AGAP1: variants seen among roughly 807,000 people sequenced by gnomAD.
AGAP1 encodes the protein arf-GAP with GTPase, ANK repeat and PH domain-containing protein 1.
In AGAP1, 29 loss-of-function variants were observed where a neutral mutation model predicts 105.3. The ratio of observed to expected loss-of-function variants is 0.28; its 90% confidence interval spans 0.21 to 0.38. The LOEUF is 0.38. Ranked by LOEUF, AGAP1 falls within the 10% of genes least tolerant of loss-of-function variation. The pLI, the probability that AGAP1 is intolerant of heterozygous loss-of-function variation, is 1.00. For synonymous variants in AGAP1, 509 were observed against 485.9 expected, an observed-to-expected ratio of 1.05 and a Z score of -0.63; for missense variants, 998 against 1,165.1, an observed-to-expected ratio of 0.86 and a Z score of 2.09.
rs1941243011 is a variant in AGAP1, at chr2:235,494,904, C to CG, written c.163+60dup. 7.0e-5 allele frequency: 105 copies of CG among 1,496,136 alleles called. 1 individual carries two copies. In the South Asian group the frequency reaches 1.2e-3, roughly 17 times the overall value. The allele number at this position is 1,496,136 out of a possible 1,614,324, so 92.7% of individuals were successfully genotyped here. A position where few individuals can be genotyped will look rare whatever the true frequency, so the allele number is the denominator to read the frequency against. ...GAAGGCACGGACGCCCGCGGCGCGG[C>CG]GGGGGTGTGCGCTGTGTGCGTGCGG... On this transcript the variant is annotated intron_variant, in intron 1 of 17. Transcript: ENST00000304032.
intron 12 of AGAP1, among the ~76,000 whole-genome samples, chr2:235,946,760 C>G (rs1177884169): frequency 6.6e-6 from 1 of 152,136 alleles, no homozygotes; most frequent in Non-Finnish European, 1.5e-5. Flanking sequence ...CGTCATTGTT[C>G]TAAGAACCAG....
At chr2:235,956,797 G>A (rs959641499) in intron 12 of AGAP1, among the ~76,000 whole-genome samples, 15 of 152,340 alleles carry the variant, frequency 9.8e-5, no homozygotes, top group African/African-American at 3.1e-4. Context: ...AGACAGCCAC[G>A]TCCATTTGTT....
chr2:235,898,731 A>T (rs559731129), intron 10 of AGAP1, among the ~76,000 whole-genome samples: 2 of 152,306 alleles, frequency 1.3e-5, no homozygotes, highest in East Asian at 3.9e-4. Flanking sequence ...CAACAGTATC[A>T]TGAAGCTAGA....
chr2:235,563,100 C>G (rs975154393), intron 1 of AGAP1, among the ~76,000 whole-genome samples: 1 of 152,106 alleles, frequency 6.6e-6, no homozygotes, highest in African/African-American at 2.4e-5. Flanking sequence ...TGCCCTGGGG[C>G]TGCTGTGGGG....
chr2:235,561,677 T>C (rs1410366414), intron 1 of AGAP1, among the ~76,000 whole-genome samples: 1 of 152,208 alleles, frequency 6.6e-6, no homozygotes, highest in Non-Finnish European at 1.5e-5. Context: ...TAATTCAGTA[T>C]TTGGAAAAAG....
chr2:236,039,159 T>A (rs1191503665), intron 14 of AGAP1, among the ~76,000 whole-genome samples: 1 of 152,182 alleles, frequency 6.6e-6, no homozygotes, highest in Non-Finnish European at 1.5e-5. Flanking sequence ...AAACACTACA[T>A]ATCAGCCAGA....
Position 236,009,146 on chromosome 2 carries a change from G to C in AGAP1, c.1646-27415G>C, listed in dbSNP as rs1441887436. 6.6e-6 allele frequency among the ~76,000 whole-genome samples: 1 copy of C among 152,228 alleles called. No individual in the cohort carries two copies. Among genetic ancestry groups the C allele is most frequent in the South Asian group, 2.1e-4 (1 of 4,818 alleles). On this transcript the variant is annotated intron_variant, in intron 13 of 17. Transcript: ENST00000304032. The surrounding 1 kb of genome is among the most constrained non-coding windows in gnomAD (Gnocchi z 4.2). The stretch of plus-strand genomic sequence containing the variant: ...GCTAAAGTAGTGAGTTCACATAGTC[G>C]AAGAATCTTCTGGGTTGCATCTTAT...
At chr2:235,738,940 G>GT (rs1173086694) in intron 3 of AGAP1, among the ~76,000 whole-genome samples, 1 of 152,080 alleles carries the variant, frequency 6.6e-6, no homozygotes, top group Non-Finnish European at 1.5e-5. Context: ...TTTTTAAAAA[G>GT]TTTTTTTAAA....
chr2:235,738,823 G>A (rs562257453), intron 3 of AGAP1, among the ~76,000 whole-genome samples: 3 of 152,094 alleles, frequency 2.0e-5, no homozygotes, highest in African/African-American at 4.8e-5. Context: ...CTCCCAAAGT[G>A]TTGGGATTAC....
rs541966882 is a variant in AGAP1, at chr2:236,066,441, G to A, written c.2114+17160G>A. Reference sequence around the variant, plus strand: ...GGGTTTCGCCATGTTGGCCAGACTGGTGTCAAATTCCTGAGCTCAATTGAT... The same window carrying A: ...GGGTTTCGCCATGTTGGCCAGACTGATGTCAAATTCCTGAGCTCAATTGAT... On this transcript the variant is annotated intron_variant, in intron 16 of 17. Coordinates refer to ENST00000304032, the MANE Select transcript of AGAP1 (RefSeq NM_001037131.3). Among the ~76,000 whole-genome samples, 19 of 152,228 alleles carry A rather than the reference G, an allele frequency of 1.2e-4. No individual in the cohort carries two copies. In the South Asian group the frequency reaches 3.7e-3, roughly 30 times the overall value.
chr2:235,516,958 CCAGCATGGCAGGCTGAT>C (rs1327149316), intron 1 of AGAP1, among the ~76,000 whole-genome samples: 3 of 151,860 alleles, frequency 2.0e-5, no homozygotes, highest in Non-Finnish European at 4.4e-5. Context: ...GGTAGATCTG[CCAGCATGGCAGGCTGAT>C]CAGCCACGGG....
At chr2:235,857,472 T>C (rs2048734889) in intron 9 of AGAP1, among the ~76,000 whole-genome samples, 1 of 152,140 alleles carries the variant, frequency 6.6e-6, no homozygotes, top group African/African-American at 2.4e-5. Context: ...CCTTGCAGGG[T>C]CCTGACCCCG....
chr2:235,991,229 ATT>A (rs1158821502), intron 13 of AGAP1, among the ~76,000 whole-genome samples: 1 of 152,224 alleles, frequency 6.6e-6, no homozygotes, highest in Admixed American at 6.5e-5. Flanking sequence ...ATTATTATGC[ATT>A]TCTTATTTCT....
At chr2:235,828,515 C>CA (rs1959171487) in intron 9 of AGAP1, among the ~76,000 whole-genome samples, 1 of 152,140 alleles carries the variant, frequency 6.6e-6, no homozygotes, top group Non-Finnish European at 1.5e-5. Flanking sequence ...GCCCACGAGT[C>CA]ACGTTTGTTC....
chr2:235,957,271 T>G lies in AGAP1; in HGVS notation c.1484-11191T>G, dbSNP rs2053990612. Among the ~76,000 whole-genome samples the G allele has an allele frequency of 6.6e-6, 1 of 152,226 alleles. No homozygotes were observed. Among genetic ancestry groups the G allele is most frequent in the Non-Finnish European group, 1.5e-5 (1 of 68,028 alleles). On this transcript the variant is annotated intron_variant, in intron 12 of 17. Transcript: ENST00000304032. This position sits in a 1 kb window ranked among gnomAD's most constrained non-coding sequence, Gnocchi z 4.6. ...AAATTCCTACTGACTAGGCTTAATT[T>G]AGAGAGATCTCTGGGCGTAATTGAA...
intron 13 of AGAP1, among the ~76,000 whole-genome samples, chr2:236,021,511 TG>T (rs2056883317): frequency 6.6e-6 from 1 of 152,142 alleles, no homozygotes; most frequent in Non-Finnish European, 1.5e-5. Context: ...CTCTGCAAAG[TG>T]GGGAGTGTGT....
At chr2:235,531,772 C>T (rs1943053861) in intron 1 of AGAP1, among the ~76,000 whole-genome samples, 1 of 152,018 alleles carries the variant, frequency 6.6e-6, no homozygotes, top group African/African-American at 2.4e-5. Flanking sequence ...CCACGCCCAG[C>T]TAATTTTTTT....
chr2:235,498,011 G>T (rs1941396511), intron 1 of AGAP1, among the ~76,000 whole-genome samples: 1 of 151,816 alleles, frequency 6.6e-6, no homozygotes, highest in African/African-American at 2.4e-5. Context: ...GCATCTTCAG[G>T]AATTTTTGCT....
At chr2:235,920,998 T>C (rs2052157392) in intron 11 of AGAP1, among the ~76,000 whole-genome samples, 2 of 152,238 alleles carry the variant, frequency 1.3e-5, no homozygotes, top group East Asian at 1.9e-4. Flanking sequence ...GCTTTAAAGA[T>C]GCCCAGGTTC....
Sources: gnomAD v4.1 joint callset for allele counts (sites outside exome capture counted in the v4.1 genomes callset) on GRCh38, gnomAD v4.1.1 for gene constraint, Gnocchi (gnomAD v3.1) non-coding constraint, MANE v1.5 for transcripts, NCBI Gene and HGNC (gene_info 2026-07-23, HGNC 2026-07-21) for gene names.